The following VRK2 variants were observed in gnomAD, a reference collection of about 807,000 sequenced individuals.
VRK2 encodes VRK serine/threonine kinase 2, also known as serine/threonine-protein kinase VRK2.
Under a neutral mutation model 57.6 loss-of-function variants are expected in VRK2, and 60 were observed. That is an observed-to-expected ratio of 1.04 (90% confidence interval 0.85 to 1.29). The LOEUF (loss-of-function observed/expected upper bound fraction) is 1.29, where lower values mean the gene tolerates loss of function less well. Among genes scored for constraint, VRK2 ranks in the 50% most tolerant of loss-of-function variants. The probability of loss-of-function intolerance (pLI) is 0.00; values close to 1 mark genes in which losing one functional copy is unlikely to be tolerated. For missense variants in VRK2, 705 were observed against 588.1 expected, an observed-to-expected ratio of 1.20 and a Z score of -2.06; for synonymous variants, 231 against 199.2, an observed-to-expected ratio of 1.16 and a Z score of -1.35.
chr2:58,012,675 G>T (rs1013134406), intron 1 of VRK2, among the ~76,000 whole-genome samples: 1 of 152,150 alleles, frequency 6.6e-6, no homozygotes, highest in Non-Finnish European at 1.5e-5. Context: ...ATAAACTCAG[G>T]TATGTTAAGG....
intron 1 of VRK2, among the ~76,000 whole-genome samples, chr2:57,930,681 C>A (rs1268371046): frequency 7.9e-5 from 12 of 152,122 alleles, no homozygotes; most frequent in African/African-American, 1.2e-4. Context: ...TACATTAGTT[C>A]TTTGGAATGT....
intron 12 of VRK2, among the ~76,000 whole-genome samples, chr2:58,156,019 G>T (rs1003711312): frequency 1.3e-5 from 2 of 151,746 alleles, no homozygotes; most frequent in African/African-American, 4.8e-5. Flanking sequence ...AGTACATGGC[G>T]GGTGGAGACT....
chr2:58,110,729 C>G lies in VRK2; in HGVS notation c.544-12372C>G, dbSNP rs546125700. Among the ~76,000 whole-genome samples, 34 of 152,120 alleles carry G rather than the reference C, an allele frequency of 2.2e-4. No homozygotes were observed. The South Asian group carries it at 5.0e-3, about 22-fold the overall frequency. On this transcript the variant is annotated intron_variant, in intron 7 of 12. Transcript: ENST00000340157. ...GATTGAACAGGGAAGGCTTCCAGAG[C>G]GGGATGTTGATCTGACACTTGTGAA... is the stretch of plus-strand genomic sequence containing the variant.
intron 7 of VRK2, among the ~76,000 whole-genome samples, chr2:58,117,495 A>G (rs932782283): frequency 9.9e-5 from 15 of 152,196 alleles, no homozygotes; most frequent in African/African-American, 2.9e-4. Context: ...GAAAAGGAAG[A>G]TTAGAAAGAC....
intron 2 of VRK2, among the ~76,000 whole-genome samples, chr2:58,079,773 A>G (rs1331919623): frequency 6.6e-6 from 1 of 151,962 alleles, no homozygotes; most frequent in Admixed American, 6.6e-5. Flanking sequence ...CCATTTCTCC[A>G]AGGAGCCCTG....
intron 1 of VRK2, among the ~76,000 whole-genome samples, chr2:57,943,228 C>T (rs1279774464): frequency 6.6e-6 from 1 of 152,202 alleles, no homozygotes; most frequent in Non-Finnish European, 1.5e-5. Context: ...AAGACATGAT[C>T]TATCCAGCAG....
At chr2:57,911,038 CT>C (rs200652554) in intron 1 of VRK2, among the ~76,000 whole-genome samples, 41,915 of 141,782 alleles carry the variant, frequency 0.3, 6,485 homozygotes, top group African/African-American at 0.45. Flanking sequence ...TTTTTTGGGT[CT>C]TTTTTTTTTT....
chr2:58,005,115 T>G (rs1673203387), intron 1 of VRK2, among the ~76,000 whole-genome samples: 1 of 152,170 alleles, frequency 6.6e-6, no homozygotes, highest in South Asian at 2.1e-4. Flanking sequence ...ATATTAAGTT[T>G]TGTCCAATAT....
chr2:58,061,092 G>A (rs1299596192), intron 2 of VRK2, among the ~76,000 whole-genome samples: 1 of 149,670 alleles, frequency 6.7e-6, no homozygotes, highest in East Asian at 2.0e-4. Flanking sequence ...TAAAACTTGG[G>A]GGATTTTTTT....
rs146351868 is a variant in VRK2, at chr2:58,146,365, G to A, written c.1073G>A (p.Arg358Lys). ...AAGCAAGTCAACAAGGCACACAATA[G>A]GTTAATCGAAAAAAAAGTCCACAGT... ...ATKQVNKAHNRLIEKKVHSER... is the reference protein window; with the variant it reads ...ATKQVNKAHNKLIEKKVHSER... Residue 358 changes from arginine to lysine, a missense_variant, in exon 12 of 13, where the codon AGG (arginine) becomes AAG (lysine). By Grantham distance (26) the Arg-to-Lys change is conservative. Coordinates refer to ENST00000340157, the MANE Select transcript of VRK2 (RefSeq NM_006296.7). 3.7e-6 allele frequency: 6 copies of A among 1,611,232 alleles called. No individual in the cohort carries two copies. The African/African-American group carries it at 6.7e-5, about 18-fold the overall frequency.
At position 58,077,908 on chromosome 2, in the gene VRK2, A is replaced by G. The variant is rs372852957; in HGVS notation, c.137-6181A>G. Among the ~76,000 whole-genome samples the G allele has an allele frequency of 3.3e-4, 50 of 152,244 alleles. No individual in the cohort carries two copies. In the South Asian group the frequency reaches 9.7e-3, roughly 30 times the overall value. ...TTCCAGCAAAGAGATAGCTGGCAAC[A>G]TAGTTTTGTCATTTCTTGGACAGAA... On this transcript the variant is annotated intron_variant, in intron 2 of 12. Transcript: ENST00000340157.
chr2:58,015,520 C>T (rs1462793048), intron 1 of VRK2, among the ~76,000 whole-genome samples: 1 of 152,156 alleles, frequency 6.6e-6, no homozygotes, highest in African/African-American at 2.4e-5. Context: ...TGAAAAGCAT[C>T]TGGCACTTAG....
chr2:58,043,521 A>G (rs1315849780), upstream of VRK2, among the ~76,000 whole-genome samples: 1 of 152,084 alleles, frequency 6.6e-6, no homozygotes, highest in Non-Finnish European at 1.5e-5. Flanking sequence ...CTTCTTTTAC[A>G]TAGCATTGTG....
At chr2:58,030,586 T>A (rs1031429107) in intron 2 of VRK2, among the ~76,000 whole-genome samples, 7 of 152,050 alleles carry the variant, frequency 4.6e-5, no homozygotes, top group Non-Finnish European at 8.8e-5. Context: ...TAGACCCCAG[T>A]AGAAATATCA....
At chr2:57,997,698 T>C (rs1672966968) in intron 1 of VRK2, among the ~76,000 whole-genome samples, 2 of 151,964 alleles carry the variant, frequency 1.3e-5, no homozygotes, top group African/African-American at 4.8e-5. Flanking sequence ...AGCTCAGCAG[T>C]TTGAGACCAG....
intron 2 of VRK2, among the ~76,000 whole-genome samples, chr2:58,060,397 C>T (rs1479005904): frequency 6.6e-6 from 1 of 151,560 alleles, no homozygotes; most frequent in Non-Finnish European, 1.5e-5. Context: ...CTTTTAAGTT[C>T]CTTCTGACTG....
chr2:58,026,340 G>A (rs1387268080), intron 2 of VRK2, among the ~76,000 whole-genome samples: 1 of 152,022 alleles, frequency 6.6e-6, no homozygotes, highest in African/African-American at 2.4e-5. Context: ...GAGGGAATGA[G>A]AGAGGGAGAC....
At chr2:58,110,281 A>G (rs971285632) in intron 7 of VRK2, among the ~76,000 whole-genome samples, 3 of 152,230 alleles carry the variant, frequency 2.0e-5, no homozygotes, top group African/African-American at 7.2e-5. Context: ...TAGCAACTTT[A>G]AAGGCTTTTC....
intron 1 of VRK2, among the ~76,000 whole-genome samples, chr2:57,986,583 C>T (rs191739206): frequency 6.7e-6 from 1 of 149,592 alleles, no homozygotes; most frequent in Admixed American, 6.7e-5. Context: ...CCCACTAATA[C>T]ATAGTTCAAT....
Sources: allele counts gnomAD v4.1 joint callset (sites outside exome capture counted in the v4.1 genomes callset), GRCh38; gene constraint gnomAD v4.1.1; transcripts MANE v1.5; gene names NCBI Gene and HGNC (gene_info 2026-07-23, HGNC 2026-07-21).